The following PADI6 variants were observed in gnomAD, a reference collection of about 807,000 sequenced individuals.
PADI6 encodes inactive protein-arginine deiminase type-6.
Under a neutral mutation model 78.2 loss-of-function variants are expected in PADI6, and 66 were observed. That is an observed-to-expected ratio of 0.84 (90% CI 0.69 to 1.04). PADI6 has a LOEUF of 1.04. PADI6 is among the 50% of genes least tolerant of loss of function. The pLI, the probability that PADI6 is intolerant of heterozygous loss-of-function variation, is 0.00. For missense variants in PADI6, 854 were observed against 866.1 expected (o/e 0.99, Z 0.18); for synonymous variants, 397 against 346.9 (o/e 1.14, Z -1.60).
At chr1:17,374,025 G>A (rs1234139125) in intron 2 of PADI6, among the ~76,000 whole-genome samples, 1 of 152,006 alleles carries the variant, frequency 6.6e-6, no homozygotes, top group Non-Finnish European at 1.5e-5. Context: ...GAGAACCACT[G>A]GGGAGCTAAT....
Position 17,394,016 on chromosome 1 carries a change from A to G in PADI6, c.1116A>G (p.Thr372=), listed in dbSNP as rs766559038. The G allele has an allele frequency of 9.9e-6, 16 of 1,613,788 alleles. No homozygotes were observed. Among genetic ancestry groups the G allele is most frequent in the Admixed American group, 5.0e-5 (3 of 59,988 alleles). The change falls in exon 10 of 16, where the codon ACA becomes ACG. Residue 372 remains threonine (T), a synonymous_variant. Coordinates refer to ENST00000619609, the MANE Select transcript of PADI6 (RefSeq NM_207421.4). ...AFCYTQAPHK[T]TSLILDTPQA... ...GCTACACCCAGGCTCCCCACAAGAC[A>G]ACGTCCTTGATCCTCGACACACCTC...
At chr1:17,397,233 A>G in intron 14 of PADI6, 92 bp downstream of exon 14, 11 of 1,390,046 alleles carry the variant, frequency 7.9e-6, no homozygotes, top group Non-Finnish European at 1.1e-5. Flanking sequence ...TGAGGGGTGA[A>G]GTGTTGGGCG....
intron 8 of PADI6, among the ~76,000 whole-genome samples, chr1:17,391,250 C>T (rs2489607): frequency 0.3 from 45,469 of 151,984 alleles, 7,123 homozygotes; most frequent in Middle Eastern, 0.42. Context: ...GATGGAGTCT[C>T]GCTCCGTTGC....
At chr1:17,387,160 T>A (rs1432215316) in intron 6 of PADI6, among the ~76,000 whole-genome samples, 1 of 152,080 alleles carries the variant, frequency 6.6e-6, no homozygotes, top group Non-Finnish European at 1.5e-5. Context: ...TGAATGGACT[T>A]GGGCTGGGCA....
chr1:17,386,167 C>T (rs1452939421), intron 6 of PADI6, among the ~76,000 whole-genome samples: 1 of 152,136 alleles, frequency 6.6e-6, no homozygotes, highest in African/African-American at 2.4e-5. Context: ...GGTCGCAGGG[C>T]TTCTGGCCTC....
At chr1:17,389,246 T>C (rs377733255) in intron 8 of PADI6, among the ~76,000 whole-genome samples, 18 of 151,940 alleles carry the variant, frequency 1.2e-4, no homozygotes, top group African/African-American at 4.1e-4. Context: ...GAAGGGGCGG[T>C]GTGGGGATGG....
chr1:17,373,304 C>G (rs964727915), intron 2 of PADI6, 71 bp downstream of exon 2: 1 of 1,547,492 alleles, frequency 6.5e-7, no homozygotes, highest in Admixed American at 1.7e-5. Flanking sequence ...GGGCTTCCTC[C>G]TGGCTGCAGA....
Position 17,401,189 on chromosome 1 carries a change from C to T in PADI6, c.1852-16C>T. The T allele has an allele frequency of 6.2e-7, 1 of 1,612,456 alleles. No individual in the cohort carries two copies. The highest frequency in any genetic ancestry group is 8.5e-7 in the Non-Finnish European group (1 of 1,178,758). ...TGATCCCTGTCCAGGCCTCACCCAC[C>T]CTGTCTTTCTAACAGTTGCGGATGA... On this transcript the variant is annotated splice_polypyrimidine_tract_variant and intron_variant, in intron 15 of 15. Coordinates refer to ENST00000619609, the MANE Select transcript of PADI6 (RefSeq NM_207421.4).
At chr1:17,391,830 C>T (rs1008881447) in intron 8 of PADI6, among the ~76,000 whole-genome samples, 7 of 152,102 alleles carry the variant, frequency 4.6e-5, no homozygotes, top group African/African-American at 1.2e-4. Context: ...AGAATGTGAC[C>T]GAAGGGTATA....
chr1:17,390,336 A>T (rs942764203), intron 8 of PADI6, among the ~76,000 whole-genome samples: 1 of 151,626 alleles, frequency 6.6e-6, no homozygotes, highest in African/African-American at 2.4e-5. Flanking sequence ...GTGGTGGCTC[A>T]TGCCTGTAAT....
At chr1:17,374,125 A>G (rs76374096) in intron 2 of PADI6, among the ~76,000 whole-genome samples, 5,321 of 152,116 alleles carry the variant, frequency 0.035, 324 homozygotes, top group African/African-American at 0.12. Context: ...GCTGGTTTAA[A>G]GCTCTCCAGG....
chr1:17,391,982 G>A (rs774115560), intron 8 of PADI6, 132 bp from the exon 9 acceptor site: 6 of 702,366 alleles, frequency 8.5e-6, no homozygotes, highest in Non-Finnish European at 1.5e-5. Context: ...TGGTTGCTCT[G>A]TCGACCTCAC....
chr1:17,398,951 G>C lies in PADI6; in HGVS notation c.1851+104G>C, dbSNP rs539271597. 26 of 1,282,604 alleles carry C rather than the reference G, an allele frequency of 2.0e-5. No homozygotes were observed. In the South Asian group the frequency reaches 3.6e-4, roughly 18 times the overall value. 79.5% of individuals were successfully genotyped at this position (1,282,604 alleles called of 1,614,324 possible). ...GCAGATATGGTGGACAGCAGATAAC[G>C]GTACCTATGAGGAAATGGGAGGGAG... On this transcript the variant is annotated intron_variant, in intron 15 of 15. Transcript: ENST00000619609.
intron 11 of PADI6, 45 bp from the exon 12 acceptor site, chr1:17,394,906 T>C (rs750325643): frequency 7.9e-6 from 12 of 1,526,882 alleles, no homozygotes; most frequent in Non-Finnish European, 9.7e-6. Flanking sequence ...TGACCAGCCC[T>C]GGGCCACACT....
chr1:17,372,925 C>A, intron 1 of PADI6, 131 bp from the exon 2 acceptor site: 13 of 960,506 alleles, frequency 1.4e-5, no homozygotes, highest in Non-Finnish European at 2.0e-5. Context: ...GGAATAAGGA[C>A]CCCAGACCAC....
chr1:17,380,535 T>C (rs60259682), intron 4 of PADI6, among the ~76,000 whole-genome samples: 1 of 152,090 alleles, frequency 6.6e-6, no homozygotes, highest in Non-Finnish European at 1.5e-5. Context: ...GCCTGGCTAG[T>C]TTTTTTTGTA....
chr1:17,392,459 AG>A (rs1319786930), intron 9 of PADI6, among the ~76,000 whole-genome samples: 1 of 152,222 alleles, frequency 6.6e-6, no homozygotes, highest in Non-Finnish European at 1.5e-5. Context: ...CACGTGTTCA[AG>A]ACCACAGAAC....
At position 17,381,943 on chromosome 1, in the gene PADI6, AC is replaced by A; in HGVS notation, c.554-22del. ...AGTGCTGGCCTCCAGACATTCCTTAACCTTTGCTTTGTCTTTTGCCCAGAAA... is the reference window on the plus strand; with the variant it reads ...AGTGCTGGCCTCCAGACATTCCTTAACTTTGCTTTGTCTTTTGCCCAGAAA... On this transcript the variant is annotated intron_variant, in intron 5 of 15. Transcript: ENST00000619609. 3 of 1,612,944 alleles carry A rather than the reference AC, an allele frequency of 1.9e-6. No homozygotes were observed. The South Asian group carries it at 3.3e-5, about 18-fold the overall frequency.
chr1:17,395,772 C>G, intron 13 of PADI6, 109 bp downstream of exon 13: 1 of 1,395,562 alleles, frequency 7.2e-7, no homozygotes, highest in South Asian at 1.5e-5. Flanking sequence ...CAGGGAAGCA[C>G]AGAAGCTGTT....
Sources: gnomAD v4.1 joint callset for allele counts (sites outside exome capture counted in the v4.1 genomes callset) on GRCh38, gnomAD v4.1.1 for gene constraint, MANE v1.5 for transcripts, NCBI Gene and HGNC (gene_info 2026-07-23, HGNC 2026-07-21) for gene names.